MTBP: variants seen among roughly 807,000 people sequenced by gnomAD.
The protein encoded by MTBP is mdm2-binding protein.
MTBP carries 101 observed loss-of-function variants against 117.0 expected under a neutral mutation model. That is an observed-to-expected ratio of 0.86 (90% CI 0.73 to 1.02). MTBP has a LOEUF of 1.02. Among genes scored for constraint, MTBP ranks in the 50% least tolerant of loss-of-function variants. MTBP has a pLI of 0.00. For synonymous variants in MTBP, 350 were observed against 351.5 expected (o/e 1.00, Z 0.05); for missense variants, 970 against 1,030.9 (o/e 0.94, Z 0.81).
chr8:120,496,791 G>C (rs749994910), intron 13 of MTBP, among the ~76,000 whole-genome samples: 1 of 151,644 alleles, frequency 6.6e-6, no homozygotes. Context: ...CTGCAGTTCT[G>C]ACTTCTTGTG....
At chr8:120,476,756 C>G (rs1813950480) in intron 11 of MTBP, among the ~76,000 whole-genome samples, 1 of 152,044 alleles carries the variant, frequency 6.6e-6, no homozygotes, top group African/African-American at 2.4e-5. Context: ...TAAGAGAGGA[C>G]ACAAACAAAT....
chr8:120,480,335 G>A (rs1450718095), intron 11 of MTBP, among the ~76,000 whole-genome samples: 1 of 152,006 alleles, frequency 6.6e-6, no homozygotes, highest in Admixed American at 6.6e-5. Flanking sequence ...GTTTGAACCT[G>A]GGAGGCAGAG....
intron 16 of MTBP, among the ~76,000 whole-genome samples, chr8:120,508,058 T>A (rs1198296398): frequency 2.0e-5 from 3 of 152,128 alleles, no homozygotes; most frequent in Non-Finnish European, 4.4e-5. Flanking sequence ...AGGTGATTTA[T>A]TTAGGAAAAT....
chr8:120,486,135 G>C (rs1814208067), intron 11 of MTBP, among the ~76,000 whole-genome samples: 1 of 152,042 alleles, frequency 6.6e-6, no homozygotes, highest in Non-Finnish European at 1.5e-5. Flanking sequence ...CTTCTTAGCT[G>C]TCTCATTCCC....
At chr8:120,467,443 C>T (rs1042057260) in intron 10 of MTBP, among the ~76,000 whole-genome samples, 71 of 152,218 alleles carry the variant, frequency 4.7e-4, no homozygotes, top group African/African-American at 1.6e-3. Flanking sequence ...GGTGAAACCC[C>T]GCCTCTACTA....
chr8:120,483,778 G>A (rs1215097102), intron 11 of MTBP, among the ~76,000 whole-genome samples: 2 of 152,124 alleles, frequency 1.3e-5, no homozygotes, highest in Non-Finnish European at 2.9e-5. Context: ...TTTTGGTGGA[G>A]AGGGGCATAC....
In MTBP at chr8:120,465,726, C is replaced by G. The variant is rs560081471; in HGVS notation, c.1047+1965C>G. Among the ~76,000 whole-genome samples the G allele has an allele frequency of 1.1e-3, 149 of 135,600 alleles. 3 individuals carry two copies. Among genetic ancestry groups the G allele is most frequent in the Middle Eastern group, 9.9e-3 (2 of 202 alleles). The allele number at this position is 135,600 out of a possible 152,430, so 89.0% of individuals were successfully genotyped here. On this transcript the variant is annotated intron_variant, in intron 10 of 21. Coordinates refer to ENST00000305949, the MANE Select transcript of MTBP (RefSeq NM_022045.5). ...CCAGGCTGGAGAGCAGTGGCGCGAT[C>G]TCAGCTCACCGCAACCTCTGCCTCC...
At chr8:120,456,703 C>A in intron 7 of MTBP, 33 bp downstream of exon 7, 1 of 1,095,916 alleles carries the variant, frequency 9.1e-7, no homozygotes, top group Non-Finnish European at 1.4e-6. Flanking sequence ...GCCAAGTAGG[C>A]CTTTCAATTT....
rs761934563 is a variant in MTBP at position 120,447,701 on chromosome 8, TAAA to T, written c.199+1193_199+1195del. Among the ~76,000 whole-genome samples, 103 of 152,162 alleles carry T rather than the reference TAAA, an allele frequency of 6.8e-4. 1 individual carries two copies. The highest frequency in any genetic ancestry group is 2.3e-3 in the African/African-American group (96 of 41,550). ...TTACTGTTATAAAATTTTATGGAAA[TAAA>T]AAAATAGTAAAAATAAAATTTATTT... On this transcript the variant is annotated intron_variant, in intron 2 of 21. Coordinates refer to ENST00000305949, the MANE Select transcript of MTBP (RefSeq NM_022045.5).
At position 120,523,468 on chromosome 8, in the gene MTBP, T is replaced by C. The variant is rs980533802; in HGVS notation, c.*132T>C. On this transcript the variant is annotated 3_prime_UTR_variant, in exon 22 of 22. Coordinates refer to ENST00000305949, the MANE Select transcript of MTBP (RefSeq NM_022045.5). ...AATAGATGTTATATTTCTAAAGAAT[T>C]TCATGAATATATATTCTATATTTGT... 2.1e-6 allele frequency: 1 copy of C among 475,952 alleles called. No individual in the cohort carries two copies. Among genetic ancestry groups the C allele is most frequent in the African/African-American group, 2.0e-5 (1 of 49,310 alleles). 29.5% of individuals were successfully genotyped at this position (475,952 alleles called of 1,614,324 possible).
intron 9 of MTBP, among the ~76,000 whole-genome samples, chr8:120,461,910 C>G (rs1299192568): frequency 6.6e-6 from 1 of 152,132 alleles, no homozygotes; most frequent in Non-Finnish European, 1.5e-5. Flanking sequence ...TGGATTATGT[C>G]AGCCTAAATC....
At chr8:120,450,129 A>T (rs1041117374) in intron 2 of MTBP, among the ~76,000 whole-genome samples, 2 of 152,190 alleles carry the variant, frequency 1.3e-5, no homozygotes, top group Non-Finnish European at 2.9e-5. Context: ...TGCAGGAAAG[A>T]TGATCAGTGG....
chr8:120,494,883 G>C (rs1814418583), intron 13 of MTBP, among the ~76,000 whole-genome samples: 1 of 152,054 alleles, frequency 6.6e-6, no homozygotes, highest in African/African-American at 2.4e-5. Flanking sequence ...CAACATTTCT[G>C]CTGCACTCCT....
At chr8:120,510,302 A>G (rs1814773636) in intron 17 of MTBP, among the ~76,000 whole-genome samples, 1 of 152,198 alleles carries the variant, frequency 6.6e-6, no homozygotes, top group Non-Finnish European at 1.5e-5. Context: ...ATAAATGTAT[A>G]TTCACACTAT....
At chr8:120,449,485 A>T (rs940967934) in intron 2 of MTBP, among the ~76,000 whole-genome samples, 10 of 152,222 alleles carry the variant, frequency 6.6e-5, no homozygotes, top group Non-Finnish European at 1.5e-4. Context: ...CTCAAGATGT[A>T]GGAGAGGGCT....
Position 120,451,279 on chromosome 8 carries a change from G to A in MTBP, c.382G>A (p.Glu128Lys). The A allele has an allele frequency of 6.2e-7, 1 of 1,612,806 alleles. No individual in the cohort carries two copies. Residue 128 changes from glutamate to lysine, a missense_variant, in exon 4 of 22, where the codon GAA becomes AAA. Transcript: ENST00000305949. The stretch of plus-strand genomic sequence containing the variant: ...ATGTTTGGGTGCTGTTGAGTGTTTT[G>A]AAGAAGAAGACAGTAATAGCAGGGA... ...EECLGAVECF[E>K]EEDSNSRESL...
At position 120,517,929 on chromosome 8, in the gene MTBP, A is replaced by C. The variant is rs1473288753; in HGVS notation, c.2325A>C (p.Thr775=). 1 of 1,612,246 alleles carries C rather than the reference A, an allele frequency of 6.2e-7. No individual in the cohort carries two copies. The highest frequency in any genetic ancestry group is 1.7e-5 in the Admixed American group (1 of 59,892). The change falls in exon 19 of 22, where the codon ACA becomes ACC. Residue 775 remains threonine (T), a synonymous_variant. Coordinates refer to ENST00000305949, the MANE Select transcript of MTBP (RefSeq NM_022045.5). ...GNSNHYHHHV[T]SRKPQTERSL... ...GTAATCACTATCATCATCATGTGAC[A>C]TCCAGAAAGCCACAAACAGAACGGT...
At chr8:120,487,663 A>G (rs1814247626) in intron 11 of MTBP, among the ~76,000 whole-genome samples, 3 of 152,210 alleles carry the variant, frequency 2.0e-5, no homozygotes, top group Non-Finnish European at 2.9e-5. Flanking sequence ...TGACCTTCAC[A>G]TAACTGGCAT....
chr8:120,506,023 A>C (rs1814678954), intron 15 of MTBP, among the ~76,000 whole-genome samples: 1 of 152,180 alleles, frequency 6.6e-6, no homozygotes, highest in African/African-American at 2.4e-5. Flanking sequence ...TTCACTTTAC[A>C]AAGTACTTAT....
Sources: gnomAD v4.1 joint callset for allele counts (sites outside exome capture counted in the v4.1 genomes callset) on GRCh38, gnomAD v4.1.1 for gene constraint, MANE v1.5 for transcripts, NCBI Gene and HGNC (gene_info 2026-07-23, HGNC 2026-07-21) for gene names.